Variants in PHEX observed in about 807,000 individuals in gnomAD.
PHEX encodes the protein phosphate regulating endopeptidase X-linked.
Under a neutral mutation model 68.0 loss-of-function variants are expected in PHEX, and 16 were observed. That is an observed-to-expected ratio of 0.24 (90% confidence interval 0.16 to 0.36). The LOEUF is 0.36. Among genes scored for constraint, PHEX ranks in the 10% least tolerant of loss-of-function variants. PHEX has a pLI of 1.00. For synonymous variants in PHEX, 208 were observed against 205.1 expected, an observed-to-expected ratio of 1.01 and a Z score of -0.12; for missense variants, 480 against 575.5, an observed-to-expected ratio of 0.83 and a Z score of 1.70.
chrX:22,047,078 G>C lies in PHEX; in HGVS notation c.216G>C (p.Leu72=). 1 of 1,209,559 alleles carries C rather than the reference G, an allele frequency of 8.3e-7. No individual in the cohort carries two copies. Among genetic ancestry groups the C allele is most frequent in the East Asian group, 3.0e-5 (1 of 33,850 alleles). Residue 72 remains leucine (L), a synonymous_variant, in exon 3 of 22, where the codon CTG becomes CTC. Coordinates refer to ENST00000379374, the MANE Select transcript of PHEX (RefSeq NM_000444.6). The part of the protein sequence containing the change: ...AAAAILSKVN[L]SVDPCDNFFR... ...CTGCCATCTTAAGTAAAGTAAATCT[G>C]TCTGTGGATCCTTGTGATAATTTCT...
At chrX:22,080,792 A>T (rs1025062270) in intron 5 of PHEX, among the ~76,000 whole-genome samples, 2 of 111,563 alleles carry the variant, frequency 1.8e-5, no homozygotes, top group African/African-American at 6.5e-5. Flanking sequence ...TTTGTGATGT[A>T]CTCACCGAAT....
Position 22,064,229 on chromosome X carries a change from AT to A in PHEX, c.350-12157del, listed in dbSNP as rs777098852. Among the ~76,000 whole-genome samples, 188 of 111,548 alleles carry A rather than the reference AT, an allele frequency of 1.7e-3. 1 individual carries two copies. Among genetic ancestry groups the A allele is most frequent in the African/African-American group, 6.0e-3 (183 of 30,707 alleles). On this transcript the variant is annotated intron_variant, in intron 3 of 21. Transcript: ENST00000379374. ...TGTGACTTGGGGGTTTGGTGTACAGATTATTTAGTCACTAGACACTAAGCAT... is the reference window on the plus strand; with the variant it reads ...TGTGACTTGGGGGTTTGGTGTACAGATATTTAGTCACTAGACACTAAGCAT...
At chrX:22,211,942 C>T (rs181491129) in intron 15 of PHEX, among the ~76,000 whole-genome samples, 309 of 111,518 alleles carry the variant, frequency 2.8e-3, no homozygotes, top group African/African-American at 9.1e-3. Context: ...TGGGGGAAAC[C>T]GCGCCCATGA....
chrX:22,094,460 C>T (rs1930046321), intron 7 of PHEX, among the ~76,000 whole-genome samples: 1 of 112,179 alleles, frequency 8.9e-6, no homozygotes, highest in South Asian at 3.7e-4. Flanking sequence ...TTTAATAAAT[C>T]CTTAGTAATC....
intron 9 of PHEX, among the ~76,000 whole-genome samples, chrX:22,104,517 G>A (rs67041968): frequency 0.14 from 15,618 of 111,187 alleles, 2,077 homozygotes; most frequent in African/African-American, 0.43. Context: ...CTACATGTTC[G>A]GTGATCTCAT....
intron 13 of PHEX, chrX:22,169,675 G>C (rs150385477): frequency 0.023 from 2,527 of 112,023 alleles, 73 homozygotes; most frequent in African/African-American, 0.078. Flanking sequence ...AGACTTGGTG[G>C]GGGCAGTGTG....
intron 20 of PHEX, among the ~76,000 whole-genome samples, chrX:22,234,935 C>T (rs1049794379): frequency 8.1e-5 from 9 of 111,096 alleles, no homozygotes; most frequent in African/African-American, 2.6e-4. Context: ...GTGCTGGAAA[C>T]CCAGAGCCCT....
chrX:22,224,346 A>G (rs1223403709), intron 18 of PHEX, among the ~76,000 whole-genome samples: 1 of 111,742 alleles, frequency 8.9e-6, no homozygotes, highest in Admixed American at 9.5e-5. Context: ...AGGGAAACCT[A>G]TTGGTTTCAG....
At chrX:22,042,816 A>G (rs918292028) in intron 2 of PHEX, among the ~76,000 whole-genome samples, 31 of 108,824 alleles carry the variant, frequency 2.8e-4, no homozygotes, top group Non-Finnish European at 7.6e-5. Context: ...CTCCGCCTCA[A>G]AAAAAAAAAA....
chrX:22,125,854 T>C (rs773252262), intron 11 of PHEX, among the ~76,000 whole-genome samples: 1 of 111,524 alleles, frequency 9.0e-6, no homozygotes, highest in African/African-American at 3.3e-5. Flanking sequence ...AGCTTTCATG[T>C]TGTTAAATCT....
Position 22,230,126 on chromosome X carries a change from T to G in PHEX, c.2070+2515T>G, listed in dbSNP as rs753720391. 2.0e-4 allele frequency among the ~76,000 whole-genome samples: 22 copies of G among 109,976 alleles called. No homozygotes were observed. In the East Asian group the frequency reaches 6.0e-3, roughly 30 times the overall value. On this transcript the variant is annotated intron_variant, in intron 20 of 21. Coordinates refer to ENST00000379374, the MANE Select transcript of PHEX (RefSeq NM_000444.6). ...TATATCTGTTTTGGTACCAGCACCATGCTGTTTTGGATACTGCAGTCTTGT... is the reference window on the plus strand; with the variant it reads ...TATATCTGTTTTGGTACCAGCACCAGGCTGTTTTGGATACTGCAGTCTTGT...
intron 20 of PHEX, among the ~76,000 whole-genome samples, chrX:22,241,338 T>A (rs1167247044): frequency 8.9e-6 from 1 of 111,777 alleles, no homozygotes; most frequent in Non-Finnish European, 1.9e-5. Context: ...AGATCTAAAA[T>A]TGACACCCTA....
At chrX:22,233,588 C>T (rs377298468) in intron 20 of PHEX, among the ~76,000 whole-genome samples, 13 of 110,758 alleles carry the variant, frequency 1.2e-4, no homozygotes, top group Admixed American at 1.9e-4. Flanking sequence ...TCCTTTCTTC[C>T]GCTTGATCAA....
At chrX:22,038,097 G>T (rs200219298) in intron 1 of PHEX, among the ~76,000 whole-genome samples, 2 of 110,641 alleles carry the variant, frequency 1.8e-5, no homozygotes, top group East Asian at 5.7e-4. Context: ...TTGTTAAACC[G>T]CAGATGGCTG....
At chrX:22,183,270 T>C (rs763753359) in intron 14 of PHEX, among the ~76,000 whole-genome samples, 5 of 111,237 alleles carry the variant, frequency 4.5e-5, no homozygotes, top group Non-Finnish European at 7.5e-5. Context: ...CTCCCTCTTA[T>C]GTTTCCATCC....
At chrX:22,157,292 G>A (rs1932978625) in intron 12 of PHEX, among the ~76,000 whole-genome samples, 1 of 112,144 alleles carries the variant, frequency 8.9e-6, no homozygotes, top group African/African-American at 3.2e-5. Flanking sequence ...AGGAGTTTGA[G>A]ACAAGCCTGG....
At chrX:22,107,352 G>C (rs1354499709) in intron 9 of PHEX, among the ~76,000 whole-genome samples, 1 of 112,268 alleles carries the variant, frequency 8.9e-6, no homozygotes, top group East Asian at 2.8e-4. Context: ...ACTGATGAAA[G>C]GACATCTGCT....
intron 18 of PHEX, among the ~76,000 whole-genome samples, chrX:22,224,817 G>T (rs979563416): frequency 9.3e-6 from 1 of 107,792 alleles, no homozygotes; most frequent in Non-Finnish European, 1.9e-5. Flanking sequence ...CTTGATACCT[G>T]GGTGACTGGG....
intron 3 of PHEX, among the ~76,000 whole-genome samples, chrX:22,062,594 G>A (rs1283863467): frequency 9.0e-6 from 1 of 111,289 alleles, no homozygotes; most frequent in East Asian, 2.8e-4. Flanking sequence ...ATACCCAGTA[G>A]CCTCGTGGGA....
Sources: allele counts gnomAD v4.1 joint callset (sites outside exome capture counted in the v4.1 genomes callset), GRCh38; gene constraint gnomAD v4.1.1; transcripts MANE v1.5; gene names NCBI Gene and HGNC (gene_info 2026-07-23, HGNC 2026-07-21).